The following DNM3 variants were observed in gnomAD, a reference collection of about 807,000 sequenced individuals.
The protein encoded by DNM3 is dynamin-3.
In DNM3, 47 loss-of-function variants were observed where a neutral mutation model predicts 101.6. That is an observed-to-expected ratio of 0.46 (90% CI 0.37 to 0.59). The LOEUF (loss-of-function observed/expected upper bound fraction) is 0.59. Among genes scored for constraint, DNM3 ranks in the 20% least tolerant of loss-of-function variants. The probability of loss-of-function intolerance (pLI) is 0.00; values close to 1 mark genes in which losing one functional copy is unlikely to be tolerated. For synonymous variants in DNM3, 385 were observed against 387.9 expected (o/e 0.99, Z 0.09); for missense variants, 849 against 1,085.7 (o/e 0.78, Z 3.06).
intron 4 of DNM3, among the ~76,000 whole-genome samples, chr1:172,029,935 T>C (rs2048483134): frequency 6.6e-6 from 1 of 152,216 alleles, no homozygotes; most frequent in African/African-American, 2.4e-5. Context: ...AAACATTCCA[T>C]GCTCCTGGAT....
At chr1:172,287,805 GCACACA>G (rs3078985) in intron 15 of DNM3, among the ~76,000 whole-genome samples, 112 of 144,168 alleles carry the variant, frequency 7.8e-4, no homozygotes, top group African/African-American at 2.5e-3. Context: ...ATATACACAT[GCACACA>G]CACACACACA....
intron 15 of DNM3, among the ~76,000 whole-genome samples, chr1:172,279,491 A>G (rs1187996583): frequency 6.6e-6 from 1 of 152,156 alleles, no homozygotes; most frequent in Non-Finnish European, 1.5e-5. Context: ...GAAAATGTTA[A>G]GTGCGCTTGT....
At chr1:172,042,751 GA>G (rs1162977166) in intron 8 of DNM3, among the ~76,000 whole-genome samples, 2 of 152,146 alleles carry the variant, frequency 1.3e-5, no homozygotes, top group African/African-American at 4.8e-5. Flanking sequence ...TGATGAAGGA[GA>G]GGGGCATGAA....
intron 14 of DNM3, among the ~76,000 whole-genome samples, chr1:172,205,451 A>G (rs1558723995): frequency 6.6e-6 from 1 of 152,118 alleles, no homozygotes. Context: ...TACATTTATC[A>G]ACACGAAACA....
chr1:171,928,780 G>A (rs1435872668), intron 2 of DNM3, among the ~76,000 whole-genome samples: 1 of 152,114 alleles, frequency 6.6e-6, no homozygotes, highest in East Asian at 1.9e-4. Context: ...GTGGCTGGAG[G>A]ACCTTCCCGG....
At chr1:172,386,822 A>C in intron 18 of DNM3, 1 of 311,064 alleles carries the variant, frequency 3.2e-6, no homozygotes. Context: ...ACAGCTCCAG[A>C]CAATATTGTG....
chr1:171,957,199 C>CTTTTTTTTT (rs377678762), intron 2 of DNM3, among the ~76,000 whole-genome samples: 2 of 138,342 alleles, frequency 1.4e-5, no homozygotes. Flanking sequence ...TTCTTTCTTT[C>CTTTTTTTTT]TTTTTTTTTT....
intron 4 of DNM3, among the ~76,000 whole-genome samples, chr1:172,018,659 C>T (rs866277862): frequency 4.6e-5 from 7 of 151,998 alleles, no homozygotes; most frequent in African/African-American, 1.7e-4. Context: ...TCATCCTGTT[C>T]CTTGTATTGT....
At chr1:172,247,794 C>T (rs2062017977) in intron 14 of DNM3, among the ~76,000 whole-genome samples, 1 of 151,944 alleles carries the variant, frequency 6.6e-6, no homozygotes, top group Non-Finnish European at 1.5e-5. Context: ...AAGTGATTCT[C>T]CTGCCTCAGC....
Position 172,044,965 on chromosome 1 carries a change from T to C in DNM3, c.1196+513T>C, listed in dbSNP as rs570438605. Among the ~76,000 whole-genome samples the C allele has an allele frequency of 4.6e-5, 7 of 151,266 alleles. No homozygotes were observed. The South Asian group carries it at 1.5e-3, about 32-fold the overall frequency. ...AGCGTGCATATGAAGTGGGCAGCAG[T>C]GTGATGAGACAGGAGAGGATGGAAG... On this transcript the variant is annotated intron_variant, in intron 9 of 20. Coordinates refer to ENST00000627582, the MANE Select transcript of DNM3 (RefSeq NM_015569.5).
At chr1:172,402,508 C>T (rs1003718606) in intron 20 of DNM3, among the ~76,000 whole-genome samples, 6 of 152,110 alleles carry the variant, frequency 3.9e-5, no homozygotes, top group African/African-American at 1.4e-4. Context: ...AAGCAGATAT[C>T]TTCTCTAAAA....
At chr1:172,194,030 A>G (rs376241238) in intron 14 of DNM3, among the ~76,000 whole-genome samples, 2 of 152,156 alleles carry the variant, frequency 1.3e-5, no homozygotes, top group Non-Finnish European at 1.5e-5. Flanking sequence ...ACACTGCTTT[A>G]AATGTGTCCC....
chr1:172,055,734 GA>G (rs1207254486), intron 10 of DNM3, among the ~76,000 whole-genome samples: 1 of 152,138 alleles, frequency 6.6e-6, no homozygotes, highest in African/African-American at 2.4e-5. Context: ...TAGGATGAAG[GA>G]AAATGGCTTC....
At chr1:172,151,161 T>G (rs1449066793) in intron 14 of DNM3, among the ~76,000 whole-genome samples, 2 of 152,210 alleles carry the variant, frequency 1.3e-5, no homozygotes, top group Non-Finnish European at 2.9e-5. Context: ...AAATAAATTC[T>G]TTTCTCTTTT....
chr1:171,987,706 G>A lies in DNM3; in HGVS notation c.286G>A (p.Glu96Lys). 3 of 1,597,756 alleles carry A rather than the reference G, an allele frequency of 1.9e-6. No homozygotes were observed. The highest frequency in any genetic ancestry group is 2.3e-5 in the East Asian group (1 of 44,306). The change falls in exon 3 of 21, where the codon GAA becomes AAA. Residue 96 changes from glutamate (E) to lysine (K), a missense_variant. By Grantham distance (56) the Glu-to-Lys change is moderately conservative. This residue lies in a region of DNM3 where 388 missense variants were observed against 483.0 expected (regional missense o/e 0.80). Coordinates refer to ENST00000627582, the MANE Select transcript of DNM3 (RefSeq NM_015569.5). The part of the protein sequence containing the change: ...CKGKKFTDFD[E>K]VRLEIEAETD... ...AGGAAAGAAATTTACAGATTTTGATGAAGTTCGCCTTGAGATTGAAGCAGA... is the reference window on the plus strand; with the variant it reads ...AGGAAAGAAATTTACAGATTTTGATAAAGTTCGCCTTGAGATTGAAGCAGA...
chr1:171,993,361 A>C (rs1020789920), intron 4 of DNM3, among the ~76,000 whole-genome samples: 1 of 151,916 alleles, frequency 6.6e-6, no homozygotes, highest in Non-Finnish European at 1.5e-5. Context: ...GATAATTTTT[A>C]CTTAAAGTTT....
intron 16 of DNM3, among the ~76,000 whole-genome samples, chr1:172,323,108 T>C (rs1281107427): frequency 6.6e-6 from 1 of 152,206 alleles, no homozygotes. Context: ...ATGTAACCTA[T>C]GTGGATTCTT....
chr1:172,296,172 T>C (rs2064153922), intron 15 of DNM3, among the ~76,000 whole-genome samples: 2 of 152,224 alleles, frequency 1.3e-5, no homozygotes, highest in African/African-American at 4.8e-5. Context: ...TTGTGAGACC[T>C]TGGGGTACAG....
chr1:172,326,673 C>T (rs777197425), intron 17 of DNM3, among the ~76,000 whole-genome samples: 3 of 151,312 alleles, frequency 2.0e-5, no homozygotes, highest in Non-Finnish European at 4.4e-5. Flanking sequence ...AAATACTTGA[C>T]GTTTCAGTTA....
Sources: allele counts gnomAD v4.1 joint callset (sites outside exome capture counted in the v4.1 genomes callset), GRCh38; gene constraint gnomAD v4.1.1; regional missense constraint gnomAD v4.1.1; transcripts MANE v1.5; gene names NCBI Gene and HGNC (gene_info 2026-07-23, HGNC 2026-07-21).